Variants in FGF2 observed in about 807,000 individuals in gnomAD.
FGF2 encodes the protein basic fibroblast growth factor bFGF.
In FGF2, 13 loss-of-function variants were observed where a neutral mutation model predicts 15.9. The ratio of observed to expected loss-of-function variants is 0.82; its 90% CI spans 0.53 to 1.30. The LOEUF (loss-of-function observed/expected upper bound fraction) is 1.30. FGF2 is among the 50% of genes most tolerant of loss of function. The probability of loss-of-function intolerance (pLI) is 0.00; values close to 1 mark genes in which losing one functional copy is unlikely to be tolerated. For synonymous variants in FGF2, 90 were observed against 78.4 expected (o/e 1.15, Z -0.78); for missense variants, 163 against 196.9 (o/e 0.83, Z 1.03).
chr4:122,882,984 G>C (rs748078084), intron 2 of FGF2: 1 of 152,158 alleles, frequency 6.6e-6, no homozygotes, highest in Non-Finnish European at 1.5e-5. Flanking sequence ...ACATTAAACT[G>C]TCAACAACAG....
At chr4:122,857,669 C>A (rs1194920562) in intron 1 of FGF2, among the ~76,000 whole-genome samples, 5 of 152,146 alleles carry the variant, frequency 3.3e-5, no homozygotes, top group Non-Finnish European at 7.3e-5. Context: ...GTAATAAAGC[C>A]AGTACATAAG....
Position 122,892,929 on chromosome 4 carries a change from G to T in FGF2, c.*533G>T, listed in dbSNP as rs555602769. 4.3e-6 allele frequency: 7 copies of T among 1,614,140 alleles called. No individual in the cohort carries two copies. The African/African-American group carries it at 9.3e-5, about 22-fold the overall frequency. On this transcript the variant is annotated 3_prime_UTR_variant, in exon 3 of 3. Transcript: ENST00000644866. ...ACTGCTGGAAGTTCTTCCACAGTCA[G>T]GTCAATTTTGTCAAACCCTTCTCTG...
intron 1 of FGF2, among the ~76,000 whole-genome samples, chr4:122,833,153 T>TA (rs1725797784): frequency 6.6e-6 from 1 of 151,878 alleles, no homozygotes; most frequent in South Asian, 2.1e-4. Flanking sequence ...CTTTGATACT[T>TA]ACTCATTTAC....
intron 1 of FGF2, among the ~76,000 whole-genome samples, chr4:122,875,693 G>C (rs1726831992): frequency 6.6e-6 from 1 of 152,234 alleles, no homozygotes; most frequent in Non-Finnish European, 1.5e-5. Context: ...TGTAGTCCCA[G>C]CTACTTGGGA....
chr4:122,878,893 G>A (rs111275628), intron 2 of FGF2, among the ~76,000 whole-genome samples: 7,317 of 152,208 alleles, frequency 0.048, 334 homozygotes, highest in South Asian at 0.14. Context: ...GAAGAAAAGA[G>A]CAAGGTTTGG....
Position 122,827,140 on chromosome 4 carries a change from C to T in FGF2, c.-35C>T, listed in dbSNP as rs778152142. The T allele has an allele frequency of 9.7e-6, 13 of 1,337,078 alleles. No individual in the cohort carries two copies. The South Asian group carries it at 2.6e-4, about 27-fold the overall frequency. The allele number at this position is 1,337,078 out of a possible 1,614,324, so 82.8% of individuals were successfully genotyped here. Reference sequence around the variant, plus strand: ...ACGGCGGCTCCCCGCGCGGCTCCAGCGGCTCGGGGATCCCGGCCGGGCCCC... The same window carrying T: ...ACGGCGGCTCCCCGCGCGGCTCCAGTGGCTCGGGGATCCCGGCCGGGCCCC... On this transcript the variant is annotated 5_prime_UTR_variant, in exon 1 of 3. Transcript: ENST00000644866. This position sits in a 1 kb window ranked among gnomAD's most constrained non-coding sequence, Gnocchi z 4.2.
At chr4:122,878,061 A>G (rs970182365) in intron 2 of FGF2, among the ~76,000 whole-genome samples, 1 of 152,214 alleles carries the variant, frequency 6.6e-6, no homozygotes, top group Non-Finnish European at 1.5e-5. Flanking sequence ...TATGGTAGGC[A>G]TTGAGCTTAT....
rs201373471 is a variant in FGF2, at chr4:122,893,080, T to C, written c.*684T>C. ...CTTCCTGGCAAAAATTTATGGTGAA[T>C]GAATATGGCTTTAGGCGGCAGATGA... is the stretch of plus-strand genomic sequence containing the variant. On this transcript the variant is annotated 3_prime_UTR_variant, in exon 3 of 3. Coordinates refer to ENST00000644866, the MANE Select transcript of FGF2 (RefSeq NM_001361665.2). 7.4e-6 allele frequency: 12 copies of C among 1,614,160 alleles called. No individual in the cohort carries two copies. In the Admixed American group the frequency reaches 1.8e-4, roughly 25 times the overall value.
In FGF2 at chr4:122,863,374, G is replaced by T. The variant is rs1288430804; in HGVS notation, c.179-12947G>T. 2.6e-5 allele frequency among the ~76,000 whole-genome samples: 4 copies of T among 152,212 alleles called. No homozygotes were observed. The South Asian group carries it at 6.2e-4, about 24-fold the overall frequency. ...TTCTCCCTTGCAATTACTTGCTAAA[G>T]AAATTGGATTGTTTGATCTATAGAG... On this transcript the variant is annotated intron_variant, in intron 1 of 2. Transcript: ENST00000644866.
chr4:122,857,859 AAT>A (rs1726372738), intron 1 of FGF2, among the ~76,000 whole-genome samples: 2 of 152,318 alleles, frequency 1.3e-5, no homozygotes, highest in South Asian at 2.1e-4. Flanking sequence ...ACTTATTTTT[AAT>A]TAAATTGTTT....
intron 1 of FGF2, among the ~76,000 whole-genome samples, chr4:122,842,560 G>A (rs914692474): frequency 6.6e-6 from 1 of 152,214 alleles, no homozygotes; most frequent in Non-Finnish European, 1.5e-5. Flanking sequence ...TGTGAAGCTC[G>A]TCTCTGTGTA....
Position 122,898,100 on chromosome 4 carries a change from T to C in FGF2, c.*5704T>C, listed in dbSNP as rs1484069293. 1 of 160,848 alleles carries C rather than the reference T, an allele frequency of 6.2e-6. No individual in the cohort carries two copies. The highest frequency in any genetic ancestry group is 2.4e-5 in the African/African-American group (1 of 41,564). 10.0% of individuals were successfully genotyped at this position (160,848 alleles called of 1,614,324 possible). On this transcript the variant is annotated 3_prime_UTR_variant, in exon 3 of 3. Coordinates refer to ENST00000644866, the MANE Select transcript of FGF2 (RefSeq NM_001361665.2). ...AAAATATGCTATTTTAAAATCTATTTCCTATATTGTATTTCTAATCAGATG... is the reference window on the plus strand; with the variant it reads ...AAAATATGCTATTTTAAAATCTATTCCCTATATTGTATTTCTAATCAGATG...
intron 1 of FGF2, among the ~76,000 whole-genome samples, chr4:122,850,016 A>G (rs1436101940): frequency 6.6e-6 from 1 of 152,132 alleles, no homozygotes; most frequent in Admixed American, 6.5e-5. Flanking sequence ...AATCCCAGCA[A>G]TTTGGGAGGC....
intron 1 of FGF2, among the ~76,000 whole-genome samples, chr4:122,858,560 G>A (rs1726386980): frequency 6.6e-6 from 1 of 152,022 alleles, no homozygotes; most frequent in South Asian, 2.1e-4. Flanking sequence ...ATCATGCCTG[G>A]CTAGTTTTTT....
intron 1 of FGF2, among the ~76,000 whole-genome samples, chr4:122,871,693 G>T (rs927399890): frequency 1.3e-5 from 2 of 150,984 alleles, no homozygotes; most frequent in African/African-American, 4.9e-5. Flanking sequence ...ATCTCCAGGT[G>T]CAGGAGCAAA....
intron 1 of FGF2, among the ~76,000 whole-genome samples, chr4:122,857,951 CAGAA>C (rs1726374837): frequency 6.6e-6 from 1 of 152,126 alleles, no homozygotes; most frequent in South Asian, 2.1e-4. Context: ...AGTTGATACA[CAGAA>C]AGATTTAATG....
chr4:122,859,659 C>T (rs554404319), intron 1 of FGF2, among the ~76,000 whole-genome samples: 69 of 150,578 alleles, frequency 4.6e-4, no homozygotes, highest in African/African-American at 1.6e-3. Flanking sequence ...TATATACACA[C>T]ACACACACAC....
At chr4:122,865,983 T>C (rs1726569733) in intron 1 of FGF2, among the ~76,000 whole-genome samples, 1 of 152,216 alleles carries the variant, frequency 6.6e-6, no homozygotes, top group Non-Finnish European at 1.5e-5. Flanking sequence ...TTTTTAGATA[T>C]GACACCAAAA....
At chr4:122,843,579 T>C (rs571281645) in intron 1 of FGF2, among the ~76,000 whole-genome samples, 5 of 152,302 alleles carry the variant, frequency 3.3e-5, no homozygotes, top group African/African-American at 9.6e-5. Flanking sequence ...AGTTATCCAA[T>C]TGAGAAATGT....
Sources: allele counts gnomAD v4.1 joint callset (sites outside exome capture counted in the v4.1 genomes callset), GRCh38; gene constraint gnomAD v4.1.1; non-coding constraint Gnocchi (gnomAD v3.1); transcripts MANE v1.5; gene names NCBI Gene and HGNC (gene_info 2026-07-23, HGNC 2026-07-21).